Variants in LOC128462377 observed in about 807,000 individuals in gnomAD.
At chr16:89,411,764 G>C in the LOC128462377 span, among the ~76,000 whole-genome samples, 2 of 152,126 alleles carry the variant, frequency 1.3e-5, no homozygotes, top group Non-Finnish European at 2.9e-5. Context: ...TTTCCCAATG[G>C]ACAACACAAA....
the LOC128462377 span, among the ~76,000 whole-genome samples, chr16:89,358,889 G>A: frequency 2.6e-5 from 4 of 151,948 alleles, no homozygotes; most frequent in Admixed American, 6.6e-5. Flanking sequence ...GCAGTGGTGC[G>A]ATCATGGCTC....
chr16:89,356,926 C>T, the LOC128462377 span, among the ~76,000 whole-genome samples: 1 of 152,240 alleles, frequency 6.6e-6, no homozygotes, highest in Admixed American at 6.5e-5. Context: ...TCCCAGGCAT[C>T]CTGCTGCTGG....
the LOC128462377 span, among the ~76,000 whole-genome samples, chr16:89,361,993 A>G: frequency 1.3e-5 from 2 of 152,208 alleles, no homozygotes; most frequent in Admixed American, 1.3e-4. Context: ...GAGTGGCTCC[A>G]GGCAGGAGGA....
chr16:89,350,318 C>A, the LOC128462377 span, among the ~76,000 whole-genome samples: 1 of 152,216 alleles, frequency 6.6e-6, no homozygotes, highest in East Asian at 1.9e-4. Context: ...ACCGAGAAAC[C>A]CAGACCCAGA....
At chr16:89,371,923 C>T in the LOC128462377 span, among the ~76,000 whole-genome samples, 3 of 152,186 alleles carry the variant, frequency 2.0e-5, no homozygotes, top group Non-Finnish European at 2.9e-5. Context: ...ACTGACTGGC[C>T]TGTTACAGAA....
At chr16:89,337,429 CTTTTT>C in the LOC128462377 span, among the ~76,000 whole-genome samples, 21 of 53,134 alleles carry the variant, frequency 4.0e-4, no homozygotes, top group South Asian at 7.3e-3. Context: ...CTAAGCAATT[CTTTTT>C]TTTTTTTTTT....
the LOC128462377 span, among the ~76,000 whole-genome samples, chr16:89,377,639 A>G: frequency 1.3e-5 from 2 of 152,178 alleles, no homozygotes; most frequent in African/African-American, 4.8e-5. Flanking sequence ...CAGAAAACAA[A>G]GTGACATCAG....
At chr16:89,380,562 T>C in the LOC128462377 span, among the ~76,000 whole-genome samples, 2 of 148,350 alleles carry the variant, frequency 1.3e-5, no homozygotes, top group South Asian at 2.1e-4. Context: ...CCCCAGGACC[T>C]GCCCGCTGCC....
chr16:89,390,362 G>GA, the LOC128462377 span, among the ~76,000 whole-genome samples: 18 of 152,016 alleles, frequency 1.2e-4, no homozygotes, highest in African/African-American at 3.6e-4. Flanking sequence ...CGAGTGTGGC[G>GA]GGGAGCACTG....
At chr16:89,332,391 A>G in the LOC128462377 span, among the ~76,000 whole-genome samples, 1 of 152,306 alleles carries the variant, frequency 6.6e-6, no homozygotes, top group Admixed American at 6.5e-5. Flanking sequence ...GAGCCCCCCA[A>G]GTCCCCGAGG....
chr16:89,395,124 G>T, the LOC128462377 span, among the ~76,000 whole-genome samples: 1 of 152,190 alleles, frequency 6.6e-6, no homozygotes, highest in African/African-American at 2.4e-5. Flanking sequence ...ATGAAAGAGG[G>T]CCAAGAACAG....
the LOC128462377 span, among the ~76,000 whole-genome samples, chr16:89,391,571 A>G: frequency 6.6e-6 from 1 of 152,192 alleles, no homozygotes. Context: ...GAAAAATCTG[A>G]GTTTTCCCCC....
At chr16:89,401,419 G>T in the LOC128462377 span, among the ~76,000 whole-genome samples, 2 of 152,046 alleles carry the variant, frequency 1.3e-5, no homozygotes, top group African/African-American at 4.8e-5. Flanking sequence ...TATCACGCTG[G>T]GATAATGGGA....
At chr16:89,336,767 G>T in the LOC128462377 span, among the ~76,000 whole-genome samples, 7 of 152,162 alleles carry the variant, frequency 4.6e-5, no homozygotes, top group Non-Finnish European at 8.8e-5. Flanking sequence ...GACTACATGA[G>T]AGATGATAAA....
chr16:89,333,311 G>C, the LOC128462377 span, among the ~76,000 whole-genome samples: 1 of 152,204 alleles, frequency 6.6e-6, no homozygotes, highest in Non-Finnish European at 1.5e-5. Flanking sequence ...TGCACCCCCG[G>C]GCTCAGCATC....
the LOC128462377 span, among the ~76,000 whole-genome samples, chr16:89,382,670 G>A: frequency 6.6e-6 from 1 of 150,596 alleles, no homozygotes; most frequent in Non-Finnish European, 1.5e-5. Flanking sequence ...CCAGTAGATG[G>A]GGTCTCACTA....
At chr16:89,378,153 C>A in the LOC128462377 span, among the ~76,000 whole-genome samples, 1 of 152,098 alleles carries the variant, frequency 6.6e-6, no homozygotes, top group African/African-American at 2.4e-5. Flanking sequence ...AGTTTGAGAC[C>A]AGCCTGGGCA....
chr16:89,367,968 C>A, the LOC128462377 span, among the ~76,000 whole-genome samples: 1 of 152,004 alleles, frequency 6.6e-6, no homozygotes, highest in Non-Finnish European at 1.5e-5. Context: ...TGCACCACTG[C>A]ACTCCAGTGT....
At chr16:89,373,727 G>C in the LOC128462377 span, among the ~76,000 whole-genome samples, 3 of 152,276 alleles carry the variant, frequency 2.0e-5, no homozygotes, top group South Asian at 6.2e-4. Context: ...ACCCCACGCG[G>C]GAGGCATGCA....
Sources: allele counts gnomAD v4.1 joint callset (sites outside exome capture counted in the v4.1 genomes callset), GRCh38; gene constraint gnomAD v4.1.1; transcripts MANE v1.5.